The following SEMA3A variants were observed in gnomAD, a reference collection of about 807,000 sequenced individuals.
SEMA3A encodes the protein semaphorin-3A.
Under a neutral mutation model 97.9 loss-of-function variants are expected in SEMA3A, and 29 were observed. That is an observed-to-expected ratio of 0.30 (90% confidence interval 0.22 to 0.40). The LOEUF is 0.40. SEMA3A is among the 10% of genes least tolerant of loss of function. SEMA3A has a pLI of 1.00. For missense variants in SEMA3A, 763 were observed against 951.3 expected, an observed-to-expected ratio of 0.80 and a Z score of 2.60; for synonymous variants, 321 against 323.7, an observed-to-expected ratio of 0.99 and a Z score of 0.09.
At chr7:84,028,561 G>T (rs571761434) in intron 6 of SEMA3A, among the ~76,000 whole-genome samples, 7 of 151,972 alleles carry the variant, frequency 4.6e-5, no homozygotes, top group African/African-American at 9.7e-5. Context: ...ATATGCTATA[G>T]AATTACTTTT....
intron 4 of SEMA3A, among the ~76,000 whole-genome samples, chr7:84,101,365 T>A (rs528774048): frequency 6.6e-6 from 1 of 152,314 alleles, no homozygotes; most frequent in South Asian, 2.1e-4. Context: ...ATTTATTTTA[T>A]CTTCTCTTGG....
chr7:84,467,385 G>A (rs964742117), intron 1 of SEMA3A, among the ~76,000 whole-genome samples: 2 of 151,934 alleles, frequency 1.3e-5, no homozygotes, highest in Non-Finnish European at 2.9e-5. Context: ...AGCTGGGTAT[G>A]TTGGTGCACA....
intron 1 of SEMA3A, among the ~76,000 whole-genome samples, chr7:84,176,400 T>C (rs7808707): frequency 0.066 from 9,978 of 152,256 alleles, 529 homozygotes; most frequent in East Asian, 0.28. Context: ...ATTTTCCTTG[T>C]ATTTAATGGA....
intron 3 of SEMA3A, among the ~76,000 whole-genome samples, chr7:84,233,319 T>A (rs1562864209): frequency 6.6e-6 from 1 of 151,978 alleles, no homozygotes; most frequent in African/African-American, 2.4e-5. Flanking sequence ...CCCTCTTTAA[T>A]AGTTGCGTGA....
At chr7:84,444,195 T>C (rs1805348015) in intron 1 of SEMA3A, among the ~76,000 whole-genome samples, 1 of 152,164 alleles carries the variant, frequency 6.6e-6, no homozygotes, top group Admixed American at 6.5e-5. Context: ...CTGATTGTGC[T>C]TTTCTTCAGA....
intron 2 of SEMA3A, among the ~76,000 whole-genome samples, chr7:84,129,737 G>A (rs537042902): frequency 3.0e-5 from 4 of 132,594 alleles, no homozygotes; most frequent in African/African-American, 1.1e-4. Flanking sequence ...TTTTTTTTTT[G>A]GAAAGGGAAA....
chr7:84,046,992 AT>A (rs144181875), intron 5 of SEMA3A, among the ~76,000 whole-genome samples: 14 of 151,886 alleles, frequency 9.2e-5, no homozygotes, highest in African/African-American at 3.4e-4. Flanking sequence ...TCTTGCCAGA[AT>A]TTTTTTCTTG....
At chr7:84,062,588 G>A (rs557413827) in intron 4 of SEMA3A, among the ~76,000 whole-genome samples, 18 of 152,340 alleles carry the variant, frequency 1.2e-4, no homozygotes, top group East Asian at 5.8e-4. Context: ...GAAGCAGGGC[G>A]AGGCATTGCC....
At chr7:84,259,683 C>T (rs1257894650) in intron 3 of SEMA3A, among the ~76,000 whole-genome samples, 1 of 151,454 alleles carries the variant, frequency 6.6e-6, no homozygotes, top group Non-Finnish European at 1.5e-5. Context: ...TTAAACGTTG[C>T]CCAGGAGGAG....
At chr7:84,059,801 G>A (rs966485199) in intron 5 of SEMA3A, among the ~76,000 whole-genome samples, 2 of 151,902 alleles carry the variant, frequency 1.3e-5, no homozygotes, top group South Asian at 2.1e-4. Context: ...ATAAAATAAA[G>A]AGAAAATAAA....
At chr7:84,281,677 C>T (rs1006614215) in intron 3 of SEMA3A, among the ~76,000 whole-genome samples, 36 of 152,108 alleles carry the variant, frequency 2.4e-4, no homozygotes, top group African/African-American at 8.4e-4. Context: ...AAAGAACAGA[C>T]TCTGTAGCTA....
intron 3 of SEMA3A, among the ~76,000 whole-genome samples, chr7:84,244,511 G>C (rs1185171684): frequency 2.0e-5 from 3 of 152,052 alleles, no homozygotes; most frequent in Non-Finnish European, 2.9e-5. Flanking sequence ...GTCTTAAATA[G>C]AGCACACGGA....
At chr7:84,243,594 C>A (rs1185010167) in intron 3 of SEMA3A, among the ~76,000 whole-genome samples, 1 of 151,274 alleles carries the variant, frequency 6.6e-6, no homozygotes, top group African/African-American at 2.5e-5. Context: ...TTGCAAAAAA[C>A]CAGCTTCTGG....
chr7:84,262,371 T>C (rs916460510), intron 3 of SEMA3A, among the ~76,000 whole-genome samples: 1 of 152,124 alleles, frequency 6.6e-6, no homozygotes. Context: ...CCTGCCACCA[T>C]GCCCAGCTGA....
intron 2 of SEMA3A, among the ~76,000 whole-genome samples, chr7:84,343,779 C>T (rs1470589105): frequency 6.6e-6 from 1 of 152,048 alleles, no homozygotes; most frequent in Non-Finnish European, 1.5e-5. Context: ...GGGAGAGGAG[C>T]TCAGGAGTGT....
rs141238896 is a variant in SEMA3A at position 84,254,382 on chromosome 7, T to G, written c.-83+52825A>C. Among the ~76,000 whole-genome samples the G allele has an allele frequency of 4.3e-3, 655 of 152,276 alleles. 7 individuals are homozygous for G. Among genetic ancestry groups the G allele is most frequent in the Non-Finnish European group, 7.2e-3 (487 of 68,022 alleles). On this transcript the variant is annotated intron_variant, in intron 3 of 3. Transcript: ENST00000424555. ...AAACTTGAGTTGGGTTGCTAAAGTTTTCAGCAAATTACAGGAAATGATTTG... is the reference window on the plus strand; with the variant it reads ...AAACTTGAGTTGGGTTGCTAAAGTTGTCAGCAAATTACAGGAAATGATTTG...
At chr7:84,428,717 A>G (rs988251004) in intron 1 of SEMA3A, among the ~76,000 whole-genome samples, 1 of 151,916 alleles carries the variant, frequency 6.6e-6, no homozygotes, top group Non-Finnish European at 1.5e-5. Context: ...TTCCACCAAA[A>G]CTGTATAATT....
chr7:84,243,909 T>G (rs1799422437), intron 3 of SEMA3A, among the ~76,000 whole-genome samples: 2 of 152,194 alleles, frequency 1.3e-5, no homozygotes, highest in Admixed American at 6.5e-5. Flanking sequence ...TTGTGTGGTT[T>G]TGAGTGAGTT....
At chr7:84,129,091 C>A (rs774087194) in intron 3 of SEMA3A, 32 bp downstream of exon 3, 22 of 1,521,430 alleles carry the variant, frequency 1.4e-5, no homozygotes, top group East Asian at 2.3e-5. Flanking sequence ...GGATACTCAA[C>A]CTGTATAATA....
Sources: allele counts gnomAD v4.1 joint callset (sites outside exome capture counted in the v4.1 genomes callset), GRCh38; gene constraint gnomAD v4.1.1; transcripts MANE v1.5; gene names NCBI Gene and HGNC (gene_info 2026-07-23, HGNC 2026-07-21).